The following PCLO variants were observed in gnomAD, a reference collection of about 807,000 sequenced individuals.
The protein encoded by PCLO is protein piccolo.
In PCLO, 82 loss-of-function variants were observed where a neutral mutation model predicts 427.5. That is an observed-to-expected ratio of 0.19 (90% CI 0.16 to 0.23). The LOEUF (loss-of-function observed/expected upper bound fraction) is 0.23. Ranked by LOEUF, PCLO falls within the 10% of genes least tolerant of loss-of-function variation. The pLI, the probability that PCLO is intolerant of heterozygous loss-of-function variation, is 1.00. For synonymous variants in PCLO, 2,357 were observed against 2,155.4 expected (o/e 1.09, Z -2.59); for missense variants, 6,239 against 6,115.9 (o/e 1.02, Z -0.67).
At chr7:83,123,442 G>A (rs1791338107) in intron 3 of PCLO, among the ~76,000 whole-genome samples, 1 of 152,134 alleles carries the variant, frequency 6.6e-6, no homozygotes, top group Non-Finnish European at 1.5e-5. Flanking sequence ...AAGGAAACTA[G>A]ATCCCTGTTT....
chr7:82,796,906 A>G (rs1415776681), intron 22 of PCLO, among the ~76,000 whole-genome samples: 2 of 151,260 alleles, frequency 1.3e-5, no homozygotes, highest in Admixed American at 6.6e-5. Flanking sequence ...TGCATATAAT[A>G]GATACACTCA....
At chr7:82,919,176 T>C (rs918951617) in intron 6 of PCLO, among the ~76,000 whole-genome samples, 1 of 151,998 alleles carries the variant, frequency 6.6e-6, no homozygotes, top group Admixed American at 6.6e-5. Flanking sequence ...CCATGGCACG[T>C]GTATACCTAA....
chr7:83,128,085 T>C (rs566022517), intron 3 of PCLO, among the ~76,000 whole-genome samples: 20 of 152,104 alleles, frequency 1.3e-4, no homozygotes, highest in Non-Finnish European at 1.2e-4. Flanking sequence ...CCAATATTAA[T>C]TGCACTTGAA....
chr7:82,835,239 T>C (rs1792203210), intron 16 of PCLO, among the ~76,000 whole-genome samples: 1 of 152,064 alleles, frequency 6.6e-6, no homozygotes, highest in Non-Finnish European at 1.5e-5. Context: ...CCACCGTGCC[T>C]GATGGGATAT....
At chr7:82,981,038 A>G (rs1345133574) in intron 3 of PCLO, among the ~76,000 whole-genome samples, 2 of 152,180 alleles carry the variant, frequency 1.3e-5, no homozygotes, top group African/African-American at 4.8e-5. Context: ...TTAAAGACCT[A>G]TGTAATAAAA....
At chr7:82,821,724 A>T in intron 20 of PCLO, 1 of 983,884 alleles carries the variant, frequency 1.0e-6, no homozygotes, top group Non-Finnish European at 1.2e-6. Flanking sequence ...GTTAGAAAAA[A>T]TATCTGTAAA....
chr7:83,003,254 T>A (rs1787867777), intron 3 of PCLO, among the ~76,000 whole-genome samples: 1 of 151,530 alleles, frequency 6.6e-6, no homozygotes, highest in Non-Finnish European at 1.5e-5. Context: ...TATGTAATAT[T>A]ATATACTAAT....
intron 3 of PCLO, among the ~76,000 whole-genome samples, chr7:82,998,109 A>G (rs1205552233): frequency 6.6e-6 from 1 of 152,032 alleles, no homozygotes; most frequent in East Asian, 1.9e-4. Flanking sequence ...CTCAGAAGCA[A>G]AACCTTCTAC....
chr7:83,128,660 A>G (rs917954216), intron 3 of PCLO, among the ~76,000 whole-genome samples: 45 of 152,178 alleles, frequency 3.0e-4, no homozygotes, highest in African/African-American at 1.1e-3. Context: ...ACCACGACCA[A>G]TGAAACACTG....
chr7:82,868,476 TAAG>T (rs1246415540), intron 10 of PCLO, among the ~76,000 whole-genome samples: 1 of 152,224 alleles, frequency 6.6e-6, no homozygotes, highest in Admixed American at 6.5e-5. Flanking sequence ...AGTTCATCTT[TAAG>T]AAGAAGAGCA....
At chr7:82,944,742 T>C (rs1045598826) in intron 6 of PCLO, among the ~76,000 whole-genome samples, 2 of 152,164 alleles carry the variant, frequency 1.3e-5, no homozygotes, top group Admixed American at 6.6e-5. Flanking sequence ...GTTGGTGACT[T>C]TTTACTGAAG....
At chr7:82,769,772 T>C (rs944679154) in intron 22 of PCLO, among the ~76,000 whole-genome samples, 1 of 152,176 alleles carries the variant, frequency 6.6e-6, no homozygotes, top group African/African-American at 2.4e-5. Flanking sequence ...TCACTGGTGC[T>C]AGCTAATGAA....
chr7:83,130,383 G>A (rs1791541007), intron 3 of PCLO, among the ~76,000 whole-genome samples: 1 of 152,086 alleles, frequency 6.6e-6, no homozygotes, highest in Non-Finnish European at 1.5e-5. Flanking sequence ...TGCCGTGTTG[G>A]CCAGGCTGGT....
Position 83,156,037 on chromosome 7 carries a change from T to G in PCLO, c.604A>C (p.Lys202Gln). Reference protein sequence around the residue: ...KQKVVQKEQGKPEGIIKPPLQ... With the variant: ...KQKVVQKEQGQPEGIIKPPLQ... ...GGAGGTTTTATGATTCCTTCAGGTT[T>G]TCCTTGCTCCTTCTGAACCACTTTT... Residue 202 changes from lysine (K) to glutamine (Q), a missense_variant, in exon 2 of 25, where the codon AAA becomes CAA. Transcript: ENST00000333891. The G allele has an allele frequency of 6.2e-7, 1 of 1,613,712 alleles. No individual in the cohort carries two copies. The highest frequency in any genetic ancestry group is 8.5e-7 in the Non-Finnish European group (1 of 1,179,812).
intron 6 of PCLO, among the ~76,000 whole-genome samples, chr7:82,944,928 T>C (rs1162887602): frequency 6.6e-6 from 1 of 152,196 alleles, no homozygotes; most frequent in Non-Finnish European, 1.5e-5. Flanking sequence ...ACATAAAATA[T>C]TCCAAATGAA....
intron 3 of PCLO, among the ~76,000 whole-genome samples, chr7:83,023,439 A>T (rs929447542): frequency 6.6e-6 from 1 of 152,224 alleles, no homozygotes. Flanking sequence ...GTTTATCCAC[A>T]TACTCTCCCA....
intron 3 of PCLO, among the ~76,000 whole-genome samples, chr7:83,084,152 T>C (rs1790172738): frequency 6.6e-6 from 1 of 152,128 alleles, no homozygotes; most frequent in Non-Finnish European, 1.5e-5. Context: ...AATTCATACA[T>C]GAAGATGTTC....
chr7:82,965,089 G>A (rs981615059), intron 4 of PCLO, among the ~76,000 whole-genome samples: 10 of 151,880 alleles, frequency 6.6e-5, no homozygotes, highest in African/African-American at 1.9e-4. Flanking sequence ...TGGTTAAAAT[G>A]GGTTAAATGA....
chr7:82,853,359 T>C (rs6972720), intron 10 of PCLO, among the ~76,000 whole-genome samples: 127,044 of 151,880 alleles, frequency 0.84, 53,540 homozygotes, highest in African/African-American at 0.89. Flanking sequence ...TTAGACACAC[T>C]CTGTTTCCCT....
Sources: gnomAD v4.1 joint callset for allele counts (sites outside exome capture counted in the v4.1 genomes callset) on GRCh38, gnomAD v4.1.1 for gene constraint, MANE v1.5 for transcripts, NCBI Gene and HGNC (gene_info 2026-07-23, HGNC 2026-07-21) for gene names.